The following AGBL1 variants were observed in gnomAD, a reference collection of about 807,000 sequenced individuals.
The protein encoded by AGBL1 is cytosolic carboxypeptidase 4.
A neutral mutation model predicts 118.9 loss-of-function variants in AGBL1; 130 were observed. The observed-to-expected ratio is 1.09, with a 90% CI of 0.95 to 1.26. The LOEUF (loss-of-function observed/expected upper bound fraction) is 1.26, where lower values mean the gene tolerates loss of function less well. AGBL1 is among the 50% of genes most tolerant of loss of function. The pLI, the probability that AGBL1 is intolerant of heterozygous loss-of-function variation, is 0.00. For missense variants in AGBL1, 1,584 were observed against 1,298.1 expected, an observed-to-expected ratio of 1.22 and a Z score of -3.38; for synonymous variants, 555 against 478.9, an observed-to-expected ratio of 1.16 and a Z score of -2.08.
At chr15:86,747,523 C>T (rs183956294) in intron 22 of AGBL1, among the ~76,000 whole-genome samples, 260 of 152,260 alleles carry the variant, frequency 1.7e-3, no homozygotes, top group Non-Finnish European at 3.0e-3. Context: ...TACATGTGCA[C>T]AACGTGCAGG....
chr15:86,290,992 C>T (rs2079536390), intron 16 of AGBL1, among the ~76,000 whole-genome samples: 2 of 152,150 alleles, frequency 1.3e-5, no homozygotes, highest in African/African-American at 4.8e-5. Context: ...TTTCCAATTT[C>T]ATCCATATCC....
intron 22 of AGBL1, among the ~76,000 whole-genome samples, chr15:86,683,456 C>T (rs973737583): frequency 7.9e-5 from 12 of 152,094 alleles, no homozygotes; most frequent in African/African-American, 2.2e-4. Context: ...AAAATGTTAC[C>T]ACCTAATAAC....
At chr15:86,632,656 A>T (rs183681459) in intron 21 of AGBL1, among the ~76,000 whole-genome samples, 1 of 151,136 alleles carries the variant, frequency 6.6e-6, no homozygotes, top group East Asian at 1.9e-4. Context: ...CTTTTTCACA[A>T]AGGCTTCCTT....
At chr15:86,585,927 G>T (rs1398266179) in intron 21 of AGBL1, among the ~76,000 whole-genome samples, 2 of 152,216 alleles carry the variant, frequency 1.3e-5, no homozygotes, top group African/African-American at 4.8e-5. Context: ...GAAGCAGGAA[G>T]AAAATGATTA....
At chr15:86,561,985 G>A (rs2083829521) in intron 21 of AGBL1, among the ~76,000 whole-genome samples, 1 of 152,254 alleles carries the variant, frequency 6.6e-6, no homozygotes, top group South Asian at 2.1e-4. Flanking sequence ...GAATGCTTGT[G>A]ATTTTTGCAC....
At chr15:87,014,516 G>GAAAATGTAT (rs1382245678) in intron 24 of AGBL1, among the ~76,000 whole-genome samples, 7 of 152,114 alleles carry the variant, frequency 4.6e-5, no homozygotes, top group African/African-American at 1.7e-4. Context: ...TAACTTGGAT[G>GAAAATGTAT]AAAATGTATC....
At chr15:86,486,230 T>A (rs774170177) in intron 18 of AGBL1, among the ~76,000 whole-genome samples, 42 of 152,124 alleles carry the variant, frequency 2.8e-4, no homozygotes, top group South Asian at 2.1e-4. Flanking sequence ...TGATTCCTGA[T>A]CCATGCTGTG....
At chr15:86,484,433 GA>G (rs1006173183) in intron 18 of AGBL1, among the ~76,000 whole-genome samples, 2 of 151,978 alleles carry the variant, frequency 1.3e-5, no homozygotes, top group Admixed American at 6.6e-5. Flanking sequence ...TGAACATAAA[GA>G]AAAAACAGAT....
intron 23 of AGBL1, among the ~76,000 whole-genome samples, chr15:86,923,681 G>T (rs2080503085): frequency 6.6e-6 from 1 of 152,128 alleles, no homozygotes; most frequent in Admixed American, 6.6e-5. Context: ...CTGAAAGCAA[G>T]GTTATGTCTT....
chr15:86,129,886 A>G (rs2076797033), intron 1 of AGBL1, among the ~76,000 whole-genome samples: 1 of 152,158 alleles, frequency 6.6e-6, no homozygotes, highest in South Asian at 2.1e-4. Flanking sequence ...AAAGGCATAA[A>G]TTTAAAATTG....
At chr15:86,415,743 G>A (rs1022398665) in intron 18 of AGBL1, among the ~76,000 whole-genome samples, 3 of 152,106 alleles carry the variant, frequency 2.0e-5, no homozygotes, top group Non-Finnish European at 4.4e-5. Flanking sequence ...AATGGATCAA[G>A]TCTTGAACCC....
chr15:86,391,929 G>C (rs1003555182), intron 17 of AGBL1, among the ~76,000 whole-genome samples: 13 of 151,752 alleles, frequency 8.6e-5, no homozygotes, highest in African/African-American at 2.9e-4. Context: ...CAATTAAACT[G>C]GACAGACCAG....
At chr15:86,920,297 G>A (rs149558324), downstream of AGBL1, among the ~76,000 whole-genome samples, 1,148 of 152,276 alleles carry the variant, frequency 7.5e-3, 13 homozygotes, top group African/African-American at 0.025. Flanking sequence ...TCCTTGGCCT[G>A]TGACATCTCA....
intron 23 of AGBL1, among the ~76,000 whole-genome samples, chr15:86,960,741 C>T (rs1010741141): frequency 1.3e-5 from 2 of 151,980 alleles, no homozygotes; most frequent in Non-Finnish European, 2.9e-5. Context: ...TCAATGGACA[C>T]TTAGCCATTA....
Position 86,858,834 on chromosome 15 carries a change from T to C in AGBL1, c.3159-48253T>C, listed in dbSNP as rs551002483. ...GGTCTAGATAGGTCTAAAAGACTACTGCATGTGGACTCCAGACCACTGTGT... is the reference window on the plus strand; with the variant it reads ...GGTCTAGATAGGTCTAAAAGACTACCGCATGTGGACTCCAGACCACTGTGT... On this transcript the variant is annotated intron_variant, in intron 22 of 22. Coordinates refer to ENST00000614907, the MANE Select transcript of AGBL1 (RefSeq NM_001386094.1). Among the ~76,000 whole-genome samples, 70 of 152,322 alleles carry C rather than the reference T, an allele frequency of 4.6e-4. 1 individual carries two copies. The highest frequency in any genetic ancestry group is 1.5e-3 in the East Asian group (8 of 5,184).
chr15:86,754,622 A>G (rs942806541), intron 22 of AGBL1, among the ~76,000 whole-genome samples: 7 of 151,984 alleles, frequency 4.6e-5, no homozygotes, highest in Admixed American at 2.0e-4. Context: ...ACCCCAAGTG[A>G]GTAAGTGCTC....
intron 22 of AGBL1, among the ~76,000 whole-genome samples, chr15:86,817,876 G>A (rs1001219459): frequency 6.6e-6 from 1 of 152,174 alleles, no homozygotes; most frequent in Non-Finnish European, 1.5e-5. Context: ...TAATATAACT[G>A]ACATCCTTAG....
chr15:86,108,060 C>G (rs1197351021), intron 1 of AGBL1, among the ~76,000 whole-genome samples: 1 of 152,212 alleles, frequency 6.6e-6, no homozygotes, highest in Non-Finnish European at 1.5e-5. Context: ...ATAATCAGGG[C>G]TGCCTTACAA....
At position 86,640,430 on chromosome 15, in the gene AGBL1, C is replaced by G. The variant is rs1418548663; in HGVS notation, c.2995-33843C>G. ...GTTAATATTTTACCACATTTCTGTC[C>G]ATCCTTGTGTGTATTAATATATAAT... On this transcript the variant is annotated intron_variant, in intron 21 of 22. Transcript: ENST00000614907. Among the ~76,000 whole-genome samples the G allele has an allele frequency of 5.9e-5, 9 of 152,098 alleles. No homozygotes were observed. In the East Asian group the frequency reaches 1.7e-3, roughly 29 times the overall value.
Sources: allele counts gnomAD v4.1 joint callset (sites outside exome capture counted in the v4.1 genomes callset), GRCh38; gene constraint gnomAD v4.1.1; transcripts MANE v1.5; gene names NCBI Gene and HGNC (gene_info 2026-07-23, HGNC 2026-07-21).